The following ANO4 variants were observed in gnomAD, a reference collection of about 807,000 sequenced individuals.
ANO4 encodes the protein anoctamin 4, also known as anoctamin-4.
A neutral mutation model predicts 141.9 loss-of-function variants in ANO4; 69 were observed. That is an observed-to-expected ratio of 0.49 (90% CI 0.40 to 0.59). The LOEUF is 0.59. Among genes scored for constraint, ANO4 ranks in the 20% least tolerant of loss-of-function variants. The pLI, the probability that ANO4 is intolerant of heterozygous loss-of-function variation, is 0.00. For synonymous variants in ANO4, 350 were observed against 394.3 expected, an observed-to-expected ratio of 0.89 and a Z score of 1.33; for missense variants, 894 against 1,162.2, an observed-to-expected ratio of 0.77 and a Z score of 3.36.
intron 14 of ANO4, chr12:101,068,969 T>A (rs1180245268): frequency 5.1e-6 from 4 of 785,470 alleles, no homozygotes; most frequent in Non-Finnish European, 9.3e-6. Flanking sequence ...AAAGCCCTCA[T>A]TGACTATGAA....
chr12:101,044,995 CA>C (rs11363359), intron 13 of ANO4, among the ~76,000 whole-genome samples: 22,879 of 141,038 alleles, frequency 0.16, 1,883 homozygotes, highest in Non-Finnish European at 0.18. Context: ...AATCAGAAGC[CA>C]ATTTTTTTTT....
At chr12:101,052,287 G>A (rs544604805) in intron 14 of ANO4, among the ~76,000 whole-genome samples, 1 of 152,048 alleles carries the variant, frequency 6.6e-6, no homozygotes, top group Non-Finnish European at 1.5e-5. Flanking sequence ...CCTGGGTCTC[G>A]GCTGGAATTA....
chr12:100,985,634 G>A (rs1346548605), intron 7 of ANO4, among the ~76,000 whole-genome samples: 1 of 152,106 alleles, frequency 6.6e-6, no homozygotes, highest in Non-Finnish European at 1.5e-5. Context: ...TATATTTTAA[G>A]TATATTTCTT....
chr12:100,879,694 G>A (rs1160476257), intron 1 of ANO4, among the ~76,000 whole-genome samples: 5 of 152,150 alleles, frequency 3.3e-5, no homozygotes, highest in African/African-American at 1.2e-4. Context: ...GACATGGTAG[G>A]CATCCAACAA....
chr12:100,907,969 G>A (rs569430368), intron 2 of ANO4, among the ~76,000 whole-genome samples: 1 of 152,268 alleles, frequency 6.6e-6, no homozygotes, highest in East Asian at 1.9e-4. Context: ...ACAATTAAAT[G>A]AATGTTATTA....
At chr12:101,036,285 A>C (rs1002924493) in intron 9 of ANO4, among the ~76,000 whole-genome samples, 1 of 152,314 alleles carries the variant, frequency 6.6e-6, no homozygotes, top group East Asian at 1.9e-4. Flanking sequence ...GAAAAACAAT[A>C]TAGAGGTTCT....
chr12:100,823,616 T>C (rs1018536387), intron 1 of ANO4, among the ~76,000 whole-genome samples: 3 of 152,082 alleles, frequency 2.0e-5, no homozygotes, highest in Admixed American at 6.6e-5. Flanking sequence ...TTAAAACAAT[T>C]TTATATTAAA....
chr12:101,087,654 T>G lies in ANO4; in HGVS notation c.1701+830T>G, dbSNP rs116004887. The stretch of plus-strand genomic sequence containing the variant: ...ATAGCATATTTCAGCCCAGATTTCT[T>G]TCCTGAATCCCCAAACTCACACGTT... On this transcript the variant is annotated intron_variant, in intron 17 of 27. Transcript: ENST00000392977. Among the ~76,000 whole-genome samples the G allele has an allele frequency of 4.6e-3, 698 of 152,276 alleles. 5 individuals carry two copies. The highest frequency in any genetic ancestry group is 0.016 in the African/African-American group (665 of 41,558).
intron 1 of ANO4, among the ~76,000 whole-genome samples, chr12:100,862,652 G>A (rs1184112867): frequency 6.6e-6 from 1 of 152,074 alleles, no homozygotes; most frequent in Admixed American, 6.6e-5. Flanking sequence ...TTATATACTG[G>A]ACATAATTGT....
At chr12:100,899,507 T>C (rs1394673848) in intron 1 of ANO4, among the ~76,000 whole-genome samples, 1 of 152,256 alleles carries the variant, frequency 6.6e-6, no homozygotes, top group African/African-American at 2.4e-5. Context: ...ACTGGAATTC[T>C]TGAACTTAGT....
At chr12:100,872,789 T>G (rs1401723091) in intron 1 of ANO4, among the ~76,000 whole-genome samples, 1 of 152,204 alleles carries the variant, frequency 6.6e-6, no homozygotes, top group African/African-American at 2.4e-5. Flanking sequence ...AATCCAATGT[T>G]TTCCTGAGGT....
At chr12:100,933,547 T>C (rs1330680022) in intron 3 of ANO4, among the ~76,000 whole-genome samples, 1 of 152,230 alleles carries the variant, frequency 6.6e-6, no homozygotes, top group Non-Finnish European at 1.5e-5. Context: ...GGTTCCAAGT[T>C]TTTGCTATTG....
In ANO4 at chr12:101,043,532, T is replaced by C; in HGVS notation, c.1155-7T>C. 6.2e-7 allele frequency: 1 copy of C among 1,607,714 alleles called. No individual in the cohort carries two copies. The highest frequency in any genetic ancestry group is 8.5e-7 in the Non-Finnish European group (1 of 1,174,456). ...CAAAAAGCAGTCCTTTCTGTTCTCT[T>C]TTCCAGTAAAGAAGTCTGCCAAGCT... is the stretch of plus-strand genomic sequence containing the variant. On this transcript the variant is annotated splice_region_variant and splice_polypyrimidine_tract_variant and intron_variant, in intron 12 of 27. Coordinates refer to ENST00000392977, the MANE Select transcript of ANO4 (RefSeq NM_001286615.2).
chr12:101,040,915 C>A (rs558209304), intron 11 of ANO4, among the ~76,000 whole-genome samples: 2 of 152,172 alleles, frequency 1.3e-5, no homozygotes, highest in South Asian at 4.1e-4. Flanking sequence ...CATCCATGTC[C>A]CTGCAAAGGA....
chr12:101,005,839 G>T (rs112650421), intron 8 of ANO4, among the ~76,000 whole-genome samples: 2,308 of 152,182 alleles, frequency 0.015, 27 homozygotes, highest in Non-Finnish European at 0.025. Flanking sequence ...CCAATTCTAG[G>T]ATATTACTTT....
chr12:101,083,885 T>TA, intron 16 of ANO4, 67 bp downstream of exon 16: 1 of 1,366,128 alleles, frequency 7.3e-7, no homozygotes. Flanking sequence ...ACAGTAATCA[T>TA]ATTGGGCATT....
intron 15 of ANO4, 37 bp downstream of exon 15, chr12:101,079,312 A>G: frequency 6.4e-7 from 1 of 1,563,568 alleles, no homozygotes; most frequent in African/African-American, 1.4e-5. Flanking sequence ...GTAAAAAGCA[A>G]ATCACCCAGA....
chr12:100,781,649 A>G (rs574619144), intron 3 of ANO4, among the ~76,000 whole-genome samples: 2 of 152,244 alleles, frequency 1.3e-5, no homozygotes, highest in Admixed American at 6.5e-5. Flanking sequence ...GTCTTACTGT[A>G]TTGCGTATTT....
At chr12:100,917,520 CA>C (rs1291199309) in intron 2 of ANO4, among the ~76,000 whole-genome samples, 2 of 152,136 alleles carry the variant, frequency 1.3e-5, no homozygotes, top group African/African-American at 4.8e-5. Flanking sequence ...AGGCATAGTA[CA>C]TTTTTTACAT....
Sources: gnomAD v4.1 joint callset for allele counts (sites outside exome capture counted in the v4.1 genomes callset) on GRCh38, gnomAD v4.1.1 for gene constraint, MANE v1.5 for transcripts, NCBI Gene and HGNC (gene_info 2026-07-23, HGNC 2026-07-21) for gene names.